The following ATF2 variants were observed in gnomAD, a reference collection of about 807,000 sequenced individuals.
ATF2 encodes the protein activating transcription factor 2, also known as cyclic AMP-dependent transcription factor ATF-2.
Under a neutral mutation model 60.6 loss-of-function variants are expected in ATF2, and 24 were observed. That is an observed-to-expected ratio of 0.40 (90% CI 0.29 to 0.56). The LOEUF (loss-of-function observed/expected upper bound fraction) is 0.56, where lower values mean the gene tolerates loss of function less well. ATF2 is among the 20% of genes least tolerant of loss of function. The pLI, the probability that ATF2 is intolerant of heterozygous loss-of-function variation, is 0.54. For missense variants in ATF2, 433 were observed against 607.7 expected (o/e 0.71, Z 3.02); for synonymous variants, 206 against 215.4 (o/e 0.96, Z 0.38).
intron 7 of ATF2, among the ~76,000 whole-genome samples, chr2:175,115,705 G>T (rs1398303605): frequency 6.6e-6 from 1 of 152,132 alleles, no homozygotes; most frequent in African/African-American, 2.4e-5. Flanking sequence ...AGTAAGTTGA[G>T]AACTTATGCT....
chr2:175,128,797 A>G (rs551535572), intron 4 of ATF2, among the ~76,000 whole-genome samples: 3 of 152,260 alleles, frequency 2.0e-5, no homozygotes, highest in African/African-American at 7.2e-5. Flanking sequence ...AAGGACTGGT[A>G]TCCAGGATAT....
intron 10 of ATF2, among the ~76,000 whole-genome samples, chr2:175,105,318 C>G (rs879349395): frequency 2.6e-4 from 39 of 150,516 alleles, no homozygotes; most frequent in East Asian, 1.9e-4. Flanking sequence ...CTGCCCCCCC[C>G]CCAAAAAAAT....
chr2:175,158,573 A>C (rs1699829286), intron 1 of ATF2, among the ~76,000 whole-genome samples: 1 of 152,150 alleles, frequency 6.6e-6, no homozygotes, highest in Admixed American at 6.5e-5. Context: ...TACGGCAAGA[A>C]GCAAACGTCT....
At chr2:175,108,186 C>T (rs1303199170) in intron 10 of ATF2, among the ~76,000 whole-genome samples, 4 of 152,006 alleles carry the variant, frequency 2.6e-5, no homozygotes, top group African/African-American at 9.7e-5. Context: ...GCCGCGACCC[C>T]GTCTGGGATG....
intron 10 of ATF2, among the ~76,000 whole-genome samples, chr2:175,105,672 C>T (rs1695605073): frequency 6.6e-6 from 1 of 152,124 alleles, no homozygotes; most frequent in African/African-American, 2.4e-5. Context: ...TTTTAAGTTA[C>T]CAGTTCAGGT....
At position 175,080,744 on chromosome 2, in the gene ATF2, T is replaced by A; in HGVS notation, c.1207A>T (p.Asn403Tyr). The A allele has an allele frequency of 6.2e-7, 1 of 1,612,880 alleles. No individual in the cohort carries two copies. The highest frequency in any genetic ancestry group is 8.5e-7 in the Non-Finnish European group (1 of 1,179,230). ...QLQSEVTLLR[N>Y]EVAQLKQLLL... is the part of the protein sequence containing the mutation. ...AGCTGTTTCAGCTGTGCCACTTCAT[T>A]TCTCAGCAGGGTGACTTCACTCTGG... Residue 403 changes from asparagine (N) to tyrosine (Y), a missense_variant, in exon 13 of 14, where the codon AAT becomes TAT. Asn to Tyr is a moderately radical substitution (Grantham distance 143). This residue lies in a region of ATF2 where 24 missense variants were observed against 75.4 expected (regional missense o/e 0.32). Transcript: ENST00000264110.
At chr2:175,143,236 T>C (rs1038436235) in intron 2 of ATF2, among the ~76,000 whole-genome samples, 1 of 152,146 alleles carries the variant, frequency 6.6e-6, no homozygotes, top group Non-Finnish European at 1.5e-5. Flanking sequence ...CTTGTCAATG[T>C]ATGGTGATAC....
At position 175,144,319 on chromosome 2, in the gene ATF2, C is replaced by T. The variant is rs577780021; in HGVS notation, c.-44+6741G>A. ...CAAAAATATTTCTCCTGCTATTTTA[C>T]GACTAACAACTATACAGAAATTTTA... On this transcript the variant is annotated intron_variant, in intron 2 of 13. Coordinates refer to ENST00000264110, the MANE Select transcript of ATF2 (RefSeq NM_001880.4). Among the ~76,000 whole-genome samples, 4 of 152,050 alleles carry T rather than the reference C, an allele frequency of 2.6e-5. No homozygotes were observed. The South Asian group carries it at 8.3e-4, about 32-fold the overall frequency.
chr2:175,121,331 T>C (rs1696941815), intron 5 of ATF2, 113 bp downstream of exon 5: 1 of 555,856 alleles, frequency 1.8e-6, no homozygotes, highest in East Asian at 3.1e-5. Context: ...ACATTTACTA[T>C]AATGAAGTCA....
At chr2:175,160,137 C>T (rs193238042) in intron 1 of ATF2, among the ~76,000 whole-genome samples, 2 of 152,176 alleles carry the variant, frequency 1.3e-5, no homozygotes, top group African/African-American at 2.4e-5. Context: ...GTAACCCCAG[C>T]GCTTTGTGAA....
intron 10 of ATF2, among the ~76,000 whole-genome samples, chr2:175,104,046 C>CTTT (rs36010749): frequency 2.1e-5 from 3 of 142,400 alleles, no homozygotes; most frequent in African/African-American, 7.7e-5. Flanking sequence ...ACTCTGAAGA[C>CTTT]TTTTTTTTTT....
intron 3 of ATF2, among the ~76,000 whole-genome samples, chr2:175,131,691 A>C (rs915672941): frequency 9.9e-5 from 15 of 152,244 alleles, no homozygotes; most frequent in Non-Finnish European, 2.1e-4. Context: ...AAGTAAGAGC[A>C]AAGTATTCTA....
intron 2 of ATF2, among the ~76,000 whole-genome samples, chr2:175,144,801 G>A (rs764098432): frequency 2.6e-5 from 4 of 152,178 alleles, no homozygotes; most frequent in Non-Finnish European, 5.9e-5. Context: ...GGGCTAAGGC[G>A]GCATCCACAT....
chr2:175,161,599 G>T (rs1351902050), intron 1 of ATF2, among the ~76,000 whole-genome samples: 1 of 152,128 alleles, frequency 6.6e-6, no homozygotes, highest in African/African-American at 2.4e-5. Flanking sequence ...TTAACTATGT[G>T]CCAGGGACAA....
chr2:175,089,171 A>T, intron 12 of ATF2, among the ~76,000 whole-genome samples: 1 of 145,592 alleles, frequency 6.9e-6, no homozygotes, highest in African/African-American at 2.7e-5. Flanking sequence ...TAAGAGCAAA[A>T]CTCTGTCTCC....
intron 1 of ATF2, among the ~76,000 whole-genome samples, chr2:175,156,577 T>G (rs1699702945): frequency 6.6e-6 from 1 of 151,920 alleles, no homozygotes; most frequent in Admixed American, 6.6e-5. Context: ...GGGGGCCACA[T>G]GGAAAGCACT....
chr2:175,136,798 G>T (rs1698171180), intron 2 of ATF2, among the ~76,000 whole-genome samples: 1 of 152,156 alleles, frequency 6.6e-6, no homozygotes, highest in Non-Finnish European at 1.5e-5. Context: ...TTTGAACACT[G>T]ATGAGAATGA....
chr2:175,085,017 T>C (rs1003968372), intron 12 of ATF2, among the ~76,000 whole-genome samples: 1 of 152,202 alleles, frequency 6.6e-6, no homozygotes, highest in Admixed American at 6.5e-5. Flanking sequence ...TCATCATTTA[T>C]AGCAATAATC....
chr2:175,144,945 G>C (rs1394320576), intron 2 of ATF2, among the ~76,000 whole-genome samples: 1 of 152,168 alleles, frequency 6.6e-6, no homozygotes, highest in Admixed American at 6.5e-5. Flanking sequence ...CGTGGATATT[G>C]ATCAAATAAG....
Sources: gnomAD v4.1 joint callset for allele counts (sites outside exome capture counted in the v4.1 genomes callset) on GRCh38, gnomAD v4.1.1 for gene constraint, gnomAD v4.1.1 regional missense constraint, MANE v1.5 for transcripts, NCBI Gene and HGNC (gene_info 2026-07-23, HGNC 2026-07-21) for gene names.